Variants in GPHN observed in about 807,000 individuals in gnomAD.
GPHN encodes the protein gephyrin.
GPHN carries 17 observed loss-of-function variants against 95.5 expected under a neutral mutation model. The ratio of observed to expected loss-of-function variants is 0.18; its 90% CI spans 0.12 to 0.27. GPHN has a LOEUF of 0.27. Among genes scored for constraint, GPHN ranks in the 10% least tolerant of loss-of-function variants. The pLI is 1.00. For missense variants in GPHN, 660 were observed against 978.1 expected (o/e 0.67, Z 4.34); for synonymous variants, 320 against 322.5 (o/e 0.99, Z 0.08).
the GPHN span, among the ~76,000 whole-genome samples, chr14:67,665,098 C>T: frequency 6.6e-6 from 1 of 152,162 alleles, no homozygotes; most frequent in Admixed American, 6.5e-5. Flanking sequence ...TGTGGTCCAC[C>T]CATCTCGGCC....
intron 20 of GPHN, among the ~76,000 whole-genome samples, chr14:67,167,324 C>G (rs559380504): frequency 8.5e-5 from 13 of 152,268 alleles, no homozygotes; most frequent in Admixed American, 1.3e-4. Context: ...GGTAGTATTA[C>G]ATGGATTTTA....
intron 4 of GPHN, among the ~76,000 whole-genome samples, chr14:66,869,628 CTT>C (rs2153526956): frequency 6.6e-6 from 1 of 152,288 alleles, no homozygotes. Context: ...CTCTACTACT[CTT>C]TGCAGGTAGT....
the GPHN span, among the ~76,000 whole-genome samples, chr14:67,191,120 G>A: frequency 6.6e-6 from 1 of 152,172 alleles, no homozygotes; most frequent in Middle Eastern, 3.2e-3. Flanking sequence ...TCTAATCCCA[G>A]CTACTCAGGA....
At chr14:67,519,729 T>TA in the GPHN span, among the ~76,000 whole-genome samples, 8 of 145,300 alleles carry the variant, frequency 5.5e-5, no homozygotes, top group Admixed American at 2.1e-4. Context: ...TTTTTTTTTT[T>TA]ACTTTTTTTT....
chr14:67,549,234 GGTGTGTGTGC>G, the GPHN span, among the ~76,000 whole-genome samples: 9 of 151,694 alleles, frequency 5.9e-5, no homozygotes, highest in African/African-American at 2.2e-4. Context: ...TATTCTGTGG[GGTGTGTGTGC>G]GTGTGTGTGT....
intron 10 of GPHN, among the ~76,000 whole-genome samples, chr14:67,057,713 TTCTC>T (rs898425555): frequency 2.0e-5 from 3 of 152,182 alleles, no homozygotes; most frequent in Admixed American, 6.5e-5. Context: ...CTTGTTCTCT[TTCTC>T]TTTCTTTCAT....
chr14:66,935,701 C>T (rs972992635), intron 8 of GPHN, among the ~76,000 whole-genome samples: 2 of 150,948 alleles, frequency 1.3e-5, no homozygotes, highest in Admixed American at 1.3e-4. Flanking sequence ...TACATGTATA[C>T]GTATACATGT....
At chr14:67,594,579 G>A in the GPHN span, among the ~76,000 whole-genome samples, 121 of 151,962 alleles carry the variant, frequency 8.0e-4, no homozygotes, top group Middle Eastern at 3.4e-3. Flanking sequence ...CCTGGGAGGC[G>A]GAGGCGGAGG....
intron 10 of GPHN, among the ~76,000 whole-genome samples, chr14:67,051,738 C>A (rs949402237): frequency 6.6e-6 from 1 of 152,150 alleles, no homozygotes; most frequent in African/African-American, 2.4e-5. Context: ...TAAAGGGAAG[C>A]CCATCAGACT....
At chr14:67,560,919 C>T in the GPHN span, among the ~76,000 whole-genome samples, 5 of 151,954 alleles carry the variant, frequency 3.3e-5, no homozygotes, top group African/African-American at 9.7e-5. Context: ...TTGGTAGAGA[C>T]GGGGTTTCGT....
the GPHN span, among the ~76,000 whole-genome samples, chr14:67,285,529 G>T: frequency 2.0e-3 from 308 of 152,118 alleles, no homozygotes; most frequent in African/African-American, 7.0e-3. Flanking sequence ...ACCACCCCTG[G>T]CTAATTTTTT....
the GPHN span, among the ~76,000 whole-genome samples, chr14:67,248,993 C>T: frequency 6.6e-6 from 1 of 150,724 alleles, no homozygotes; most frequent in African/African-American, 2.4e-5. Flanking sequence ...GACCAAGTCT[C>T]ACTCTGTCCC....
chr14:67,383,562 A>G, the GPHN span: 1 of 1,389,262 alleles, frequency 7.2e-7, no homozygotes, highest in Non-Finnish European at 9.8e-7. Context: ...ATTTCTAAGT[A>G]TTTAAATGTT....
Position 67,181,361 on chromosome 14 carries a change from C to G in GPHN, c.*424C>G, listed in dbSNP as rs2083311835. ...TTTCCCTTCTTAGTATGCTTCATAA[C>G]TGCTTTACAGAGAGCTTTTGCTTGT... On this transcript the variant is annotated 3_prime_UTR_variant, in exon 23 of 23. Transcript: ENST00000478722. 4 of 445,618 alleles carry G rather than the reference C, an allele frequency of 9.0e-6. 1 individual carries two copies. The highest frequency in any genetic ancestry group is 7.9e-5 in the South Asian group (4 of 50,450). The allele number at this position is 445,618 out of a possible 1,614,324, so 27.6% of individuals were successfully genotyped here. A position where few individuals can be genotyped will look rare whatever the true frequency, so the allele number is the denominator to read the frequency against.
chr14:66,733,226 A>G (rs2071953566), intron 2 of GPHN, among the ~76,000 whole-genome samples: 1 of 151,418 alleles, frequency 6.6e-6, no homozygotes, highest in Non-Finnish European at 1.5e-5. Flanking sequence ...CACATAAGAC[A>G]TGCCTGCCTC....
the GPHN span, among the ~76,000 whole-genome samples, chr14:67,427,466 C>G: frequency 0.015 from 2,276 of 152,300 alleles, 51 homozygotes; most frequent in African/African-American, 0.052. Context: ...AGCAGGCCAC[C>G]TTTGTCAGGG....
At chr14:66,587,675 TAAGTA>T (rs1216980746) in intron 1 of GPHN, among the ~76,000 whole-genome samples, 1 of 152,102 alleles carries the variant, frequency 6.6e-6, no homozygotes, top group East Asian at 1.9e-4. Context: ...TCTAAAATAT[TAAGTA>T]AAGAAGATTA....
At chr14:66,837,829 T>C (rs112130227) in intron 4 of GPHN, among the ~76,000 whole-genome samples, 1,903 of 151,932 alleles carry the variant, frequency 0.013, 19 homozygotes, top group Non-Finnish European at 0.018. Flanking sequence ...TTTAAATATA[T>C]ATCCTAATTG....
the GPHN span, among the ~76,000 whole-genome samples, chr14:67,369,219 G>A: frequency 1.3e-5 from 2 of 152,132 alleles, no homozygotes; most frequent in African/African-American, 4.8e-5. Flanking sequence ...AGGAGACAGT[G>A]TCTATTAATA....
Sources: allele counts gnomAD v4.1 joint callset (sites outside exome capture counted in the v4.1 genomes callset), GRCh38; gene constraint gnomAD v4.1.1; transcripts MANE v1.5; gene names NCBI Gene and HGNC (gene_info 2026-07-23, HGNC 2026-07-21).